MEIS1: variants seen among roughly 807,000 people sequenced by gnomAD.
MEIS1 encodes the protein homeobox protein Meis1.
Under a neutral mutation model 50.8 loss-of-function variants are expected in MEIS1, and 5 were observed. That is an observed-to-expected ratio of 0.10 (90% confidence interval 0.05 to 0.21). The LOEUF is 0.21. MEIS1 is among the 10% of genes least tolerant of loss of function. The pLI is 1.00. For missense variants in MEIS1, 318 were observed against 517.3 expected (o/e 0.61, Z 3.74); for synonymous variants, 176 against 179.3 (o/e 0.98, Z 0.15).
intron 6 of MEIS1, among the ~76,000 whole-genome samples, chr2:66,454,025 A>G (rs1413162775): frequency 6.6e-6 from 1 of 152,040 alleles, no homozygotes; most frequent in African/African-American, 2.4e-5. Flanking sequence ...ATTTGAATCT[A>G]GACTTTGCTC....
intron 8 of MEIS1, among the ~76,000 whole-genome samples, chr2:66,536,162 C>T (rs1350929151): frequency 6.6e-6 from 1 of 152,132 alleles, no homozygotes; most frequent in Non-Finnish European, 1.5e-5. Flanking sequence ...GTCTAGATAA[C>T]ACATAAACCC....
intron 5 of MEIS1, 64 bp from the exon 6 acceptor site, chr2:66,442,838 C>A (rs1672029932): frequency 6.9e-7 from 1 of 1,455,874 alleles, no homozygotes; most frequent in South Asian, 1.5e-5. Flanking sequence ...GTGGATTGCA[C>A]TTGTCAATGT....
intron 7 of MEIS1, among the ~76,000 whole-genome samples, chr2:66,509,830 A>G (rs555511304): frequency 3.9e-5 from 6 of 152,324 alleles, no homozygotes; most frequent in Middle Eastern, 3.4e-3. Flanking sequence ...TTGATTATCT[A>G]TTGATGCACA....
chr2:66,488,664 C>T (rs543236492), intron 7 of MEIS1, among the ~76,000 whole-genome samples: 204 of 152,138 alleles, frequency 1.3e-3, no homozygotes, highest in South Asian at 9.8e-3. Flanking sequence ...GGCGACAAAG[C>T]GAGACTCCAT....
At chr2:66,436,306 T>C (rs1475194168) in intron 1 of MEIS1, among the ~76,000 whole-genome samples, 2 of 152,252 alleles carry the variant, frequency 1.3e-5, no homozygotes, top group Non-Finnish European at 1.5e-5. Flanking sequence ...GAAATAACTT[T>C]GTCATAGTAT....
chr2:66,558,721 T>A (rs1041600035), intron 9 of MEIS1, among the ~76,000 whole-genome samples: 4 of 152,178 alleles, frequency 2.6e-5, no homozygotes, highest in African/African-American at 9.7e-5. Flanking sequence ...TCTCTTGACA[T>A]GAGCAGAGAC....
rs527882157 is a variant in MEIS1 at position 66,571,365 on chromosome 2, C to T, written c.*157C>T. Reference sequence around the variant, plus strand: ...CCATCCTGCTCAGCTGCGTCATGGGCCCCCCATGCATACGTACATTCCTGG... The same window carrying T: ...CCATCCTGCTCAGCTGCGTCATGGGTCCCCCATGCATACGTACATTCCTGG... On this transcript the variant is annotated 3_prime_UTR_variant, in exon 13 of 13. Coordinates refer to ENST00000272369, the MANE Select transcript of MEIS1 (RefSeq NM_002398.3). 5.0e-6 allele frequency: 8 copies of T among 1,601,218 alleles called. No individual in the cohort carries two copies. The Admixed American group carries it at 6.9e-5, about 14-fold the overall frequency.
chr2:66,458,945 T>A (rs1249386410), intron 6 of MEIS1, among the ~76,000 whole-genome samples: 2 of 152,208 alleles, frequency 1.3e-5, no homozygotes, highest in Non-Finnish European at 2.9e-5. Context: ...ATATCAACAT[T>A]TTCCTAGGAT....
At chr2:66,502,537 C>G (rs1205745467) in intron 7 of MEIS1, among the ~76,000 whole-genome samples, 1 of 152,156 alleles carries the variant, frequency 6.6e-6, no homozygotes, top group African/African-American at 2.4e-5. Context: ...CAAATTAGTT[C>G]TTTGAGATTG....
intron 7 of MEIS1, among the ~76,000 whole-genome samples, chr2:66,509,374 T>C (rs758180399): frequency 6.6e-6 from 1 of 152,216 alleles, no homozygotes; most frequent in Non-Finnish European, 1.5e-5. Context: ...ATTGAAAGCA[T>C]TTGCTTCCAA....
intron 6 of MEIS1, among the ~76,000 whole-genome samples, chr2:66,451,653 T>G (rs991374071): frequency 6.6e-6 from 1 of 152,116 alleles, no homozygotes; most frequent in Admixed American, 6.5e-5. Context: ...TAGTGTTTTC[T>G]GGTATTCAGA....
chr2:66,527,713 G>A (rs1274704706), intron 8 of MEIS1, among the ~76,000 whole-genome samples: 1 of 151,634 alleles, frequency 6.6e-6, no homozygotes, highest in African/African-American at 2.4e-5. Flanking sequence ...TTGGTTTGAG[G>A]AGAGATGGCT....
intron 7 of MEIS1, among the ~76,000 whole-genome samples, chr2:66,498,543 C>G (rs1666995150): frequency 6.6e-6 from 1 of 152,130 alleles, no homozygotes; most frequent in Non-Finnish European, 1.5e-5. Flanking sequence ...ACAGGAGGAG[C>G]TGGGATTCAT....
rs774448767 is a variant in MEIS1 at position 66,569,130 on chromosome 2, G to A, written c.*22G>A. The stretch of plus-strand genomic sequence containing the variant: ...GTAACCTTCATCTAGTTAACCAATC[G>A]CAAAGCAAGGGGGAAGTAAGTACAA... On this transcript the variant is annotated 3_prime_UTR_variant, in exon 12 of 13. Transcript: ENST00000272369. 20 of 1,611,310 alleles carry A rather than the reference G, an allele frequency of 1.2e-5. No individual in the cohort carries two copies. Among genetic ancestry groups the A allele is most frequent in the South Asian group, 3.3e-5 (3 of 90,162 alleles).
At chr2:66,524,831 T>G (rs937993694) in intron 8 of MEIS1, among the ~76,000 whole-genome samples, 17 of 152,156 alleles carry the variant, frequency 1.1e-4, no homozygotes, top group South Asian at 2.1e-4. Flanking sequence ...AACAAGTAAC[T>G]TTAAAAAAGT....
At chr2:66,464,418 C>A (rs778760948) in intron 7 of MEIS1, among the ~76,000 whole-genome samples, 198 bp downstream of exon 7, 34 of 152,274 alleles carry the variant, frequency 2.2e-4, no homozygotes, top group Admixed American at 3.9e-4. Context: ...TGTCACCTGG[C>A]CAGCTTCATA....
In MEIS1 at chr2:66,473,378, C is replaced by CAAAA. The variant is rs71409174; in HGVS notation, c.742+9175_742+9178dup. Among the ~76,000 whole-genome samples, 96 of 53,864 alleles carry CAAAA rather than the reference C, an allele frequency of 1.8e-3. 2 individuals are homozygous for CAAAA. The highest frequency in any genetic ancestry group is 2.3e-3 in the Admixed American group (11 of 4,776). 35.3% of individuals were successfully genotyped at this position (53,864 alleles called of 152,430 possible). A position where few individuals can be genotyped will look rare whatever the true frequency, so the allele number is the denominator to read the frequency against. On this transcript the variant is annotated intron_variant, in intron 7 of 12. Transcript: ENST00000272369. Reference sequence around the variant, plus strand: ...GGGTAACAAGAGTGAGACTCCATGTCAAAAAAAAAAAAAAAAAAAATATAT... The same window carrying CAAAA: ...GGGTAACAAGAGTGAGACTCCATGTCAAAAAAAAAAAAAAAAAAAAAAAATATAT...
chr2:66,461,560 A>G (rs1040001272), intron 6 of MEIS1, among the ~76,000 whole-genome samples: 2 of 152,250 alleles, frequency 1.3e-5, no homozygotes, highest in African/African-American at 4.8e-5. Context: ...TTCAGTATTC[A>G]TAGGCCTTCT....
intron 7 of MEIS1, among the ~76,000 whole-genome samples, chr2:66,481,254 G>A (rs749262415): frequency 2.6e-5 from 4 of 152,164 alleles, no homozygotes; most frequent in African/African-American, 4.8e-5. Flanking sequence ...GTTTGTGGTT[G>A]GCTCTCTATT....
Sources: gnomAD v4.1 joint callset for allele counts (sites outside exome capture counted in the v4.1 genomes callset) on GRCh38, gnomAD v4.1.1 for gene constraint, MANE v1.5 for transcripts, NCBI Gene and HGNC (gene_info 2026-07-23, HGNC 2026-07-21) for gene names.